The following CTNNA1 variants were observed in gnomAD, a reference collection of about 807,000 sequenced individuals.
The protein encoded by CTNNA1 is catenin alpha 1, also known as catenin alpha-1.
CTNNA1 carries 37 observed loss-of-function variants against 98.4 expected under a neutral mutation model. The observed-to-expected ratio is 0.38, with a 90% confidence interval of 0.29 to 0.49. CTNNA1 has a LOEUF of 0.49. CTNNA1 is among the 20% of genes least tolerant of loss of function. The pLI is 0.95. For synonymous variants in CTNNA1, 404 were observed against 413.2 expected (o/e 0.98, Z 0.27); for missense variants, 761 against 1,147.2 (o/e 0.66, Z 4.86).
chr5:138,825,757 A>G (rs1760652649), intron 6 of CTNNA1, among the ~76,000 whole-genome samples: 2 of 152,218 alleles, frequency 1.3e-5, no homozygotes, highest in South Asian at 4.1e-4. Context: ...TTTTTCATAA[A>G]GCAAGAAGGC....
intron 9 of CTNNA1, 46 bp downstream of exon 9, chr5:138,887,688 G>C: frequency 6.5e-7 from 1 of 1,543,726 alleles, no homozygotes. Flanking sequence ...ACTTGGTGAA[G>C]TGTGGTGAGT....
intron 3 of CTNNA1, among the ~76,000 whole-genome samples, chr5:138,799,789 T>G (rs1757361534): frequency 6.6e-6 from 1 of 152,194 alleles, no homozygotes; most frequent in African/African-American, 2.4e-5. Flanking sequence ...TACTAATACT[T>G]TATGTTAGCC....
chr5:138,915,189 C>T (rs1761476950), intron 10 of CTNNA1, among the ~76,000 whole-genome samples: 4 of 152,150 alleles, frequency 2.6e-5, no homozygotes, highest in Middle Eastern at 6.8e-3. Flanking sequence ...CTTCTAATAA[C>T]CCATAAGCAC....
At chr5:138,844,419 T>C (rs1000955973) in intron 7 of CTNNA1, among the ~76,000 whole-genome samples, 1 of 152,216 alleles carries the variant, frequency 6.6e-6, no homozygotes, top group Admixed American at 6.5e-5. Flanking sequence ...TTGAATTGAA[T>C]TTAATAAATG....
chr5:138,777,117 C>G (rs1435700980), intron 1 of CTNNA1, among the ~76,000 whole-genome samples: 1 of 151,390 alleles, frequency 6.6e-6, no homozygotes, highest in South Asian at 2.1e-4. Flanking sequence ...GGTTGCCAGG[C>G]GGAGGGTCTC....
chr5:138,755,428 C>A (rs532431940), intron 1 of CTNNA1, among the ~76,000 whole-genome samples: 16 of 152,028 alleles, frequency 1.1e-4, no homozygotes, highest in Non-Finnish European at 2.1e-4. Flanking sequence ...GTTTTCTTTT[C>A]CTTTTGACTC....
intron 1 of CTNNA1, chr5:138,754,385 G>C (rs997272864): frequency 3.9e-5 from 6 of 152,310 alleles, no homozygotes; most frequent in South Asian, 2.1e-4. Context: ...GGTTGGCCCA[G>C]TTCCAAGGTT....
At chr5:138,779,900 G>C (rs2149643765) in intron 1 of CTNNA1, among the ~76,000 whole-genome samples, 1 of 152,062 alleles carries the variant, frequency 6.6e-6, no homozygotes, top group East Asian at 1.9e-4. Flanking sequence ...AGTTTTAATA[G>C]AGACGGGGTT....
At chr5:138,928,575 C>G (rs1764623508) in intron 13 of CTNNA1, among the ~76,000 whole-genome samples, 2 of 152,338 alleles carry the variant, frequency 1.3e-5, no homozygotes, top group Non-Finnish European at 2.9e-5. Context: ...AGTACCTTTT[C>G]TACCCAGGAC....
chr5:138,889,479 C>G (rs994407702), intron 9 of CTNNA1, among the ~76,000 whole-genome samples: 6 of 152,202 alleles, frequency 3.9e-5, no homozygotes, highest in African/African-American at 1.4e-4. Context: ...GCACTGTGCA[C>G]TCAAGCTCAC....
chr5:138,873,921 G>C lies in CTNNA1; in HGVS notation c.1063-12291G>C, dbSNP rs780099169. 2.7e-5 allele frequency: 44 copies of C among 1,613,886 alleles called. No individual in the cohort carries two copies. Among genetic ancestry groups the C allele is most frequent in the Non-Finnish European group, 3.3e-5 (39 of 1,179,910 alleles). ...AAATTAATCTTCGTCAGCTGGTTGT[G>C]CTCTAGGTGAAGCTCTCTCAGTTTA... On this transcript the variant is annotated intron_variant, in intron 7 of 17. Coordinates refer to ENST00000302763, the MANE Select transcript of CTNNA1 (RefSeq NM_001903.5). This position sits in a 1 kb window ranked among gnomAD's most constrained non-coding sequence, Gnocchi z 6.1.
At chr5:138,923,949 A>G (rs963584130) in intron 11 of CTNNA1, among the ~76,000 whole-genome samples, 19 of 152,188 alleles carry the variant, frequency 1.2e-4, no homozygotes, top group Admixed American at 1.2e-3. Context: ...GTGTACCATG[A>G]AGAGGGTTAT....
intron 1 of CTNNA1, 141 bp from the exon 2 acceptor site, chr5:138,781,782 A>G: frequency 1.5e-6 from 1 of 650,100 alleles, no homozygotes; most frequent in Non-Finnish European, 2.5e-6. Flanking sequence ...CTGGGTCTTC[A>G]TGTGTAGGCT....
chr5:138,875,822 T>C (rs148107147), intron 7 of CTNNA1: 63 of 724,022 alleles, frequency 8.7e-5, no homozygotes, highest in Middle Eastern at 1.4e-3. Context: ...TGACTATGAT[T>C]TGCTTTAGAT....
intron 7 of CTNNA1, among the ~76,000 whole-genome samples, chr5:138,878,727 C>T (rs1752212847): frequency 6.6e-6 from 1 of 152,098 alleles, no homozygotes; most frequent in African/African-American, 2.4e-5. Context: ...CATGAAATTT[C>T]CTGTTCTTCT....
chr5:138,759,980 C>CTTTTTTT (rs70982734), intron 1 of CTNNA1, among the ~76,000 whole-genome samples: 2 of 61,244 alleles, frequency 3.3e-5, no homozygotes, highest in Non-Finnish European at 2.8e-5. Flanking sequence ...AATTTCTTTC[C>CTTTTTTT]TTTTTTTTTT....
chr5:138,774,313 C>T (rs528777401), intron 1 of CTNNA1, among the ~76,000 whole-genome samples: 1 of 152,234 alleles, frequency 6.6e-6, no homozygotes, highest in Non-Finnish European at 1.5e-5. Flanking sequence ...GTGGGAGCCA[C>T]CACACCTGGC....
intron 5 of CTNNA1, among the ~76,000 whole-genome samples, chr5:138,815,848 G>C (rs986943607): frequency 3.9e-5 from 6 of 152,072 alleles, no homozygotes; most frequent in Non-Finnish European, 8.8e-5. Flanking sequence ...GTGTACCCCC[G>C]TTCACAAAAT....
chr5:138,755,986 C>T (rs534523907), intron 1 of CTNNA1, among the ~76,000 whole-genome samples: 2 of 151,004 alleles, frequency 1.3e-5, no homozygotes, highest in Non-Finnish European at 2.9e-5. Flanking sequence ...TCTCAGCCTC[C>T]GGAGTAGCTG....
Sources: gnomAD v4.1 joint callset for allele counts (sites outside exome capture counted in the v4.1 genomes callset) on GRCh38, gnomAD v4.1.1 for gene constraint, Gnocchi (gnomAD v3.1) non-coding constraint, MANE v1.5 for transcripts, NCBI Gene and HGNC (gene_info 2026-07-23, HGNC 2026-07-21) for gene names.